The following ROR2 variants were observed in gnomAD, a reference collection of about 807,000 sequenced individuals.
ROR2 encodes ROR family WNT receptor 2.
Under a neutral mutation model 74.9 loss-of-function variants are expected in ROR2, and 33 were observed. The observed-to-expected ratio is 0.44, with a 90% CI of 0.33 to 0.59. The LOEUF (loss-of-function observed/expected upper bound fraction) is 0.59, where lower values mean the gene tolerates loss of function less well. ROR2 is among the 20% of genes least tolerant of loss of function. The pLI is 0.02. For missense variants in ROR2, 1,216 were observed against 1,313.8 expected (o/e 0.93, Z 1.15); for synonymous variants, 586 against 558.7 (o/e 1.05, Z -0.69).
intron 1 of ROR2, among the ~76,000 whole-genome samples, chr9:91,800,126 G>A (rs1827323682): frequency 6.6e-6 from 1 of 152,162 alleles, no homozygotes; most frequent in African/African-American, 2.4e-5. Context: ...TGGATCACCT[G>A]AGGTCAGGAG....
intron 2 of ROR2, among the ~76,000 whole-genome samples, chr9:91,764,267 T>A (rs1825996059): frequency 6.6e-6 from 1 of 152,218 alleles, no homozygotes; most frequent in Admixed American, 6.5e-5. Context: ...TTTATCTTTT[T>A]AATATCTTTA....
chr9:91,833,387 C>T (rs1828524577), intron 1 of ROR2, among the ~76,000 whole-genome samples: 2 of 152,318 alleles, frequency 1.3e-5, no homozygotes, highest in Admixed American at 1.3e-4. Flanking sequence ...TCGTGACTCC[C>T]AGCTTTGCCC....
chr9:91,884,599 A>C (rs1830219834), intron 1 of ROR2, among the ~76,000 whole-genome samples: 1 of 151,998 alleles, frequency 6.6e-6, no homozygotes, highest in South Asian at 2.1e-4. Context: ...TTAATGCTGA[A>C]GGGTTTTATC....
At chr9:91,739,912 C>T (rs1465894379) in intron 4 of ROR2, among the ~76,000 whole-genome samples, 3 of 152,234 alleles carry the variant, frequency 2.0e-5, no homozygotes, top group Non-Finnish European at 4.4e-5. Context: ...GGACATGTCC[C>T]TGTCTGGAGG....
intron 7 of ROR2, among the ~76,000 whole-genome samples, chr9:91,728,492 G>A (rs1353607924): frequency 3.9e-5 from 6 of 152,152 alleles, no homozygotes; most frequent in Non-Finnish European, 8.8e-5. Context: ...GGGCAGTGGT[G>A]GGATCTCAGT....
chr9:91,807,736 C>A (rs1827613467), intron 1 of ROR2, among the ~76,000 whole-genome samples: 1 of 152,102 alleles, frequency 6.6e-6, no homozygotes, highest in African/African-American at 2.4e-5. Context: ...CATTTGGTCA[C>A]AGAAGTCTTC....
In ROR2 at chr9:91,905,490, C is replaced by T. The variant is rs1181946464; in HGVS notation, c.97+44377G>A. Among the ~76,000 whole-genome samples the T allele has an allele frequency of 6.6e-6, 1 of 151,862 alleles. No individual in the cohort carries two copies. The highest frequency in any genetic ancestry group is 1.5e-5 in the Non-Finnish European group (1 of 67,950). ...ACACACAACAAAGACACAACACATACCACATACACGACATACACAGACATC... is the reference window on the plus strand; with the variant it reads ...ACACACAACAAAGACACAACACATATCACATACACGACATACACAGACATC... On this transcript the variant is annotated intron_variant, in intron 1 of 8. Transcript: ENST00000375708. The surrounding 1 kb of genome is among the most constrained non-coding windows in gnomAD (Gnocchi z 5.3).
intron 2 of ROR2, among the ~76,000 whole-genome samples, chr9:91,773,369 C>T (rs377637904): frequency 1.3e-5 from 2 of 152,090 alleles, no homozygotes; most frequent in African/African-American, 4.8e-5. Context: ...TTCACAGCTG[C>T]CGTGTGATTT....
chr9:91,756,006 C>T (rs200077677), intron 4 of ROR2, 65 bp downstream of exon 4: 16 of 1,558,568 alleles, frequency 1.0e-5, no homozygotes, highest in South Asian at 8.9e-5. Context: ...ATTTAAACCC[C>T]GGATTCCTAC....
rs1481172603 is a variant in ROR2 at position 91,938,296 on chromosome 9, C to CA, written c.97+11570dup. 2.0e-5 allele frequency among the ~76,000 whole-genome samples: 3 copies of CA among 152,108 alleles called. No individual in the cohort carries two copies. The East Asian group carries it at 5.8e-4, about 29-fold the overall frequency. On this transcript the variant is annotated intron_variant, in intron 1 of 8. Transcript: ENST00000375708. ...CAACATAGTGAGACTCTTTCTCTTACAAAAATTTTTTTTTTAGTTAGCCAG... is the reference window on the plus strand; with the variant it reads ...CAACATAGTGAGACTCTTTCTCTTACAAAAAATTTTTTTTTTAGTTAGCCAG...
In ROR2 at chr9:91,774,487, G is replaced by A. The variant is rs558421570; in HGVS notation, c.175+1254C>T. On this transcript the variant is annotated intron_variant, in intron 2 of 8. Coordinates refer to ENST00000375708, the MANE Select transcript of ROR2 (RefSeq NM_004560.4). ...GGTGAGGCCTTTGGAAGGTAATTAG[G>A]ATTAGATGAGGTCATGATGGGGGTG... Among the ~76,000 whole-genome samples the A allele has an allele frequency of 9.2e-5, 14 of 152,296 alleles. No homozygotes were observed. The East Asian group carries it at 2.7e-3, about 29-fold the overall frequency.
At chr9:91,949,120 C>T (rs1033424356) in intron 1 of ROR2, among the ~76,000 whole-genome samples, 7 of 150,626 alleles carry the variant, frequency 4.6e-5, no homozygotes, top group Non-Finnish European at 7.4e-5. Flanking sequence ...TCCCGGGGGT[C>T]CCCCCGGCGC....
At chr9:91,787,300 CAGG>C (rs1404157386) in intron 1 of ROR2, among the ~76,000 whole-genome samples, 2 of 152,096 alleles carry the variant, frequency 1.3e-5, no homozygotes, top group African/African-American at 4.8e-5. Context: ...CACTTGAGGT[CAGG>C]AGTTCAAGAC....
At chr9:91,799,231 G>T (rs980814366) in intron 1 of ROR2, among the ~76,000 whole-genome samples, 5 of 152,136 alleles carry the variant, frequency 3.3e-5, no homozygotes, top group Admixed American at 6.5e-5. Flanking sequence ...TGCCCCAGGG[G>T]ACACTGCCAA....
intron 1 of ROR2, among the ~76,000 whole-genome samples, chr9:91,909,296 A>G (rs1830893778): frequency 1.3e-5 from 2 of 151,964 alleles, no homozygotes; most frequent in South Asian, 4.2e-4. Flanking sequence ...GAGCTTTTTT[A>G]TCTGTCATCA....
chr9:91,796,234 G>A (rs1827160596), intron 1 of ROR2, among the ~76,000 whole-genome samples: 1 of 152,036 alleles, frequency 6.6e-6, no homozygotes. Context: ...TTGAGCTCAG[G>A]AGTTTGAGAC....
intron 2 of ROR2, among the ~76,000 whole-genome samples, chr9:91,764,437 T>C (rs980013020): frequency 1.3e-5 from 2 of 152,164 alleles, no homozygotes; most frequent in African/African-American, 4.8e-5. Context: ...GCTCCATTTT[T>C]CCCCTCTGCT....
At chr9:91,738,117 A>G (rs1367976195) in intron 4 of ROR2, among the ~76,000 whole-genome samples, 1 of 152,214 alleles carries the variant, frequency 6.6e-6, no homozygotes, top group African/African-American at 2.4e-5. Context: ...ATAGAAGGTA[A>G]AACATAAAGA....
In ROR2 at chr9:91,916,109, A is replaced by T. The variant is rs550154498; in HGVS notation, c.97+33758T>A. Among the ~76,000 whole-genome samples the T allele has an allele frequency of 1.1e-4, 16 of 152,340 alleles. No individual in the cohort carries two copies. The East Asian group carries it at 3.1e-3, about 29-fold the overall frequency. Reference sequence around the variant, plus strand: ...TCACATCTTGGCTGTAACTCATTCCACGCAGGAAAGCAACAAGGAAGAAGG... The same window carrying T: ...TCACATCTTGGCTGTAACTCATTCCTCGCAGGAAAGCAACAAGGAAGAAGG... On this transcript the variant is annotated intron_variant, in intron 1 of 8. Transcript: ENST00000375708.
Sources: allele counts gnomAD v4.1 joint callset (sites outside exome capture counted in the v4.1 genomes callset), GRCh38; gene constraint gnomAD v4.1.1; non-coding constraint Gnocchi (gnomAD v3.1); transcripts MANE v1.5; gene names NCBI Gene and HGNC (gene_info 2026-07-23, HGNC 2026-07-21).